Variants in OXSR1 observed in about 807,000 individuals in gnomAD.
The protein encoded by OXSR1 is serine/threonine-protein kinase OSR1.
A neutral mutation model predicts 79.8 loss-of-function variants in OXSR1; 24 were observed. The observed-to-expected ratio is 0.30, with a 90% confidence interval of 0.22 to 0.42. OXSR1 has a LOEUF of 0.42. Ranked by LOEUF, OXSR1 falls within the 10% of genes least tolerant of loss-of-function variation. OXSR1 has a pLI of 1.00. For synonymous variants in OXSR1, 226 were observed against 209.2 expected, an observed-to-expected ratio of 1.08 and a Z score of -0.69; for missense variants, 430 against 618.4, an observed-to-expected ratio of 0.70 and a Z score of 3.23.
intron 11 of OXSR1, among the ~76,000 whole-genome samples, chr3:38,239,915 T>C (rs548539323): frequency 1.3e-5 from 2 of 152,316 alleles, no homozygotes; most frequent in South Asian, 4.1e-4. Flanking sequence ...CCACTTTTTT[T>C]CCCTGTCTTC....
At position 38,229,694 on chromosome 3, in the gene OXSR1, G is replaced by A. The variant is rs1274561793; in HGVS notation, c.844G>A (p.Ala282Thr). The change falls in exon 9 of 18, where the codon GCA (alanine) becomes ACA (threonine). Residue 282 changes from alanine to threonine, a missense_variant. Ala to Thr is a moderately conservative substitution (Grantham distance 58, BLOSUM62 0). Transcript: ENST00000311806. Reference protein sequence around the residue: ...LQKDPEKRPTAAELLRHKFFQ... With the variant: ...LQKDPEKRPTTAELLRHKFFQ... Reference sequence around the variant, plus strand: ...CTCCCTTCCTGGTTTTAGACCAACAGCAGCAGAACTATTAAGGCACAAATT... The same window carrying A: ...CTCCCTTCCTGGTTTTAGACCAACAACAGCAGAACTATTAAGGCACAAATT... 1.2e-6 allele frequency: 2 copies of A among 1,611,266 alleles called. No individual in the cohort carries two copies. Among genetic ancestry groups the A allele is most frequent in the Non-Finnish European group, 1.7e-6 (2 of 1,178,368 alleles).
chr3:38,244,419 G>A (rs1333872120), intron 12 of OXSR1, among the ~76,000 whole-genome samples: 1 of 151,960 alleles, frequency 6.6e-6, no homozygotes, highest in Non-Finnish European at 1.5e-5. Context: ...TAAAACTCTG[G>A]CTATTAAACA....
chr3:38,232,539 G>T (rs141642585), intron 10 of OXSR1, among the ~76,000 whole-genome samples: 1 of 152,070 alleles, frequency 6.6e-6, no homozygotes, highest in East Asian at 1.9e-4. Flanking sequence ...TGGATTGCTT[G>T]AGCTCAGGAG....
chr3:38,170,696 C>T (rs909416302), intron 1 of OXSR1, among the ~76,000 whole-genome samples: 3 of 152,184 alleles, frequency 2.0e-5, no homozygotes, highest in Non-Finnish European at 2.9e-5. Context: ...TAGCCTAATT[C>T]GGGATCCTTG....
At chr3:38,184,368 T>C (rs1394602355) in intron 2 of OXSR1, among the ~76,000 whole-genome samples, 1 of 152,192 alleles carries the variant, frequency 6.6e-6, no homozygotes, top group African/African-American at 2.4e-5. Context: ...TCGAAGGAAA[T>C]GCTGATCGAA....
intron 4 of OXSR1, among the ~76,000 whole-genome samples, chr3:38,214,636 A>G (rs972270878): frequency 2.0e-5 from 3 of 152,236 alleles, no homozygotes; most frequent in Non-Finnish European, 2.9e-5. Flanking sequence ...ATCTGAGACT[A>G]GATTCATGGA....
chr3:38,180,904 G>C (rs1004455087), intron 1 of OXSR1, among the ~76,000 whole-genome samples: 2 of 151,784 alleles, frequency 1.3e-5, no homozygotes, highest in Non-Finnish European at 2.9e-5. Flanking sequence ...CACTTACGAG[G>C]TCCCTTATGA....
chr3:38,224,929 A>T, intron 8 of OXSR1: 1 of 264,118 alleles, frequency 3.8e-6, no homozygotes. Flanking sequence ...TTAATTTCTT[A>T]CAAAGTTGTA....
chr3:38,253,918 A>C lies in OXSR1; in HGVS notation c.*1027A>C, dbSNP rs34304095. The C allele has an allele frequency of 1.0e-3, 324 of 313,976 alleles. 1 individual carries two copies. The highest frequency in any genetic ancestry group is 6.7e-3 in the African/African-American group (313 of 46,984). The allele number at this position is 313,976 out of a possible 1,614,324, so 19.4% of individuals were successfully genotyped here. A position where few individuals can be genotyped will look rare whatever the true frequency, so the allele number is the denominator to read the frequency against. ...GAGGGGGTCTCTGTGTGCTGAAGCT[A>C]ACTCAAGATGGAAAGTGAAACCACA... is the stretch of plus-strand genomic sequence containing the variant. On this transcript the variant is annotated 3_prime_UTR_variant, in exon 18 of 18. Transcript: ENST00000311806.
intron 15 of OXSR1, 39 bp from the exon 16 acceptor site, chr3:38,251,364 C>G (rs570004849): frequency 6.5e-7 from 1 of 1,548,348 alleles, no homozygotes; most frequent in Non-Finnish European, 8.9e-7. Context: ...GTGGCAAGCA[C>G]GCACAAAAAA....
At position 38,223,898 on chromosome 3, in the gene OXSR1, A is replaced by G. The variant is rs1370562828; in HGVS notation, c.687A>G (p.Lys229=). 3.8e-6 allele frequency: 6 copies of G among 1,597,872 alleles called. No homozygotes were observed. In the South Asian group the frequency reaches 6.7e-5, roughly 18 times the overall value. Residue 229 remains lysine, a synonymous_variant, in exon 7 of 18, where the codon AAA becomes AAG. Transcript: ENST00000311806. ...ELATGAAPYH[K]YPPMKVLMLT... is the part of the protein sequence containing the mutation. ...CTACAGGGGCGGCTCCTTATCATAA[A>G]TATCCACCAATGAAGGTGAGGCTTG...
chr3:38,223,955 A>C (rs753165849), intron 7 of OXSR1, 42 bp downstream of exon 7: 16 of 1,221,420 alleles, frequency 1.3e-5, no homozygotes, highest in Non-Finnish European at 1.7e-5. Context: ...TCAAGTCCCA[A>C]TTCCTTTTCA....
intron 4 of OXSR1, among the ~76,000 whole-genome samples, chr3:38,214,937 G>A (rs1036338430): frequency 6.6e-6 from 1 of 152,216 alleles, no homozygotes; most frequent in African/African-American, 2.4e-5. Flanking sequence ...TGACAAATAA[G>A]ACGTTCTTCC....
At chr3:38,212,956 C>A (rs1261913085) in intron 4 of OXSR1, among the ~76,000 whole-genome samples, 1 of 152,114 alleles carries the variant, frequency 6.6e-6, no homozygotes, top group Non-Finnish European at 1.5e-5. Flanking sequence ...GTGAATTGTG[C>A]TATTCTGCTT....
chr3:38,224,268 A>C (rs898556780), intron 7 of OXSR1, among the ~76,000 whole-genome samples: 1 of 152,188 alleles, frequency 6.6e-6, no homozygotes, highest in Non-Finnish European at 1.5e-5. Context: ...TTATCTTTGC[A>C]TGGCTAGCGT....
Position 38,213,552 on chromosome 3 carries a change from C to T in OXSR1, c.435-2544C>T, listed in dbSNP as rs546916982. Among the ~76,000 whole-genome samples the T allele has an allele frequency of 3.4e-3, 524 of 152,282 alleles. 21 individuals carry two copies. Among genetic ancestry groups the T allele is most frequent in the Admixed American group, 0.034 (522 of 15,294 alleles). On this transcript the variant is annotated intron_variant, in intron 4 of 17. Transcript: ENST00000311806. ...TAAAAAGTAAAGAAATCTGAATAAA[C>T]TGTGGACTTTATCTAATCATGATAT...
chr3:38,224,375 A>G (rs1702647038), intron 7 of OXSR1, among the ~76,000 whole-genome samples, 196 bp from the exon 8 acceptor site: 2 of 152,206 alleles, frequency 1.3e-5, no homozygotes, highest in African/African-American at 2.4e-5. Context: ...TTGAGAAGCT[A>G]ACCATCTACA....
chr3:38,165,803 G>A lies in OXSR1; in HGVS notation c.-74G>A. 7.5e-7 allele frequency: 1 copy of A among 1,325,164 alleles called. No individual in the cohort carries two copies. The highest frequency in any genetic ancestry group is 1.1e-6 in the Non-Finnish European group (1 of 941,998). 82.1% of individuals were successfully genotyped at this position (1,325,164 alleles called of 1,614,324 possible). On this transcript the variant is annotated 5_prime_UTR_variant, in exon 1 of 18. The change creates a new upstream start codon in the 5' untranslated region. Transcript: ENST00000311806. The stretch of plus-strand genomic sequence containing the variant: ...GCGGCGGCGGCGGCGGCTGTTGGGG[G>A]TGGGGAGACGCGCGGCGAGGAGACG...
upstream of OXSR1, among the ~76,000 whole-genome samples, chr3:38,164,737 C>T (rs968841700): frequency 1.3e-5 from 2 of 152,142 alleles, no homozygotes; most frequent in African/African-American, 4.8e-5. Flanking sequence ...GACAACCTCC[C>T]GAGTCCCTCA....
Sources: allele counts gnomAD v4.1 joint callset (sites outside exome capture counted in the v4.1 genomes callset), GRCh38; gene constraint gnomAD v4.1.1; transcripts MANE v1.5; gene names NCBI Gene and HGNC (gene_info 2026-07-23, HGNC 2026-07-21).